The following SPMIP7 variants were observed in gnomAD, a reference collection of about 807,000 sequenced individuals.
SPMIP7 encodes the protein sperm microtubule inner protein 7, also known as protein SPMIP7.
chr7:50,140,881 C>G, the SPMIP7 span, among the ~76,000 whole-genome samples: 4 of 152,210 alleles, frequency 2.6e-5, no homozygotes, highest in African/African-American at 9.7e-5. Flanking sequence ...GTTGCCCAAG[C>G]TCCTCTGCAC....
chr7:50,120,739 T>G, the SPMIP7 span, among the ~76,000 whole-genome samples: 1 of 152,204 alleles, frequency 6.6e-6, no homozygotes, highest in Non-Finnish European at 1.5e-5. Context: ...ATCTCTGTGT[T>G]TCATTTAATC....
the SPMIP7 span, chr7:50,129,892 T>C: frequency 4.0e-6 from 3 of 752,102 alleles, no homozygotes; most frequent in South Asian, 1.7e-5. Context: ...ATCTTATGAG[T>C]GACACAGAGG....
chr7:50,096,620 A>G, the SPMIP7 span: 2 of 1,547,462 alleles, frequency 1.3e-6, no homozygotes, highest in East Asian at 4.9e-5. Flanking sequence ...AGACATTTCT[A>G]TCAGAGCAAG....
At chr7:50,151,878 A>G in the SPMIP7 span, among the ~76,000 whole-genome samples, 1 of 152,200 alleles carries the variant, frequency 6.6e-6, no homozygotes, top group African/African-American at 2.4e-5. Flanking sequence ...TGGCATCTTT[A>G]CTTCTTAGAC....
chr7:50,122,030 T>C, the SPMIP7 span, among the ~76,000 whole-genome samples: 1 of 152,210 alleles, frequency 6.6e-6, no homozygotes, highest in African/African-American at 2.4e-5. Context: ...AATATGAATA[T>C]ATTAAAATGA....
the SPMIP7 span, among the ~76,000 whole-genome samples, chr7:50,154,289 G>A: frequency 5.3e-5 from 8 of 152,142 alleles, no homozygotes; most frequent in East Asian, 5.8e-4. Flanking sequence ...TCCTGAATAC[G>A]ATGCACTATG....
chr7:50,133,476 C>T, the SPMIP7 span, among the ~76,000 whole-genome samples: 2 of 152,122 alleles, frequency 1.3e-5, no homozygotes, highest in Non-Finnish European at 2.9e-5. Context: ...ATGGTATCCT[C>T]TGAAGGTCAA....
the SPMIP7 span, among the ~76,000 whole-genome samples, chr7:50,151,941 G>T: frequency 1.3e-5 from 2 of 152,278 alleles, no homozygotes; most frequent in East Asian, 3.9e-4. Flanking sequence ...AAGACACATG[G>T]AACATACATC....
At chr7:50,136,054 T>C in the SPMIP7 span, 1 of 1,409,268 alleles carries the variant, frequency 7.1e-7, no homozygotes, top group East Asian at 2.5e-5. Flanking sequence ...CCAGAAATTA[T>C]AACGTGCTCA....
At chr7:50,147,962 G>A in the SPMIP7 span, among the ~76,000 whole-genome samples, 110 of 152,110 alleles carry the variant, frequency 7.2e-4, no homozygotes, top group Non-Finnish European at 2.6e-4. Flanking sequence ...TTGAACATGC[G>A]ACTAACCTGG....
chr7:50,125,285 C>T, the SPMIP7 span, among the ~76,000 whole-genome samples: 497 of 75,890 alleles, frequency 6.5e-3, 19 homozygotes, highest in Non-Finnish European at 8.4e-3. Flanking sequence ...CACATATATA[C>T]ACATATATAT....
chr7:50,129,251 A>T, the SPMIP7 span, among the ~76,000 whole-genome samples: 1 of 152,050 alleles, frequency 6.6e-6, no homozygotes. Flanking sequence ...AAATTGGTAA[A>T]ATATCATTGA....
At chr7:50,115,419 T>C in the SPMIP7 span, among the ~76,000 whole-genome samples, 1 of 152,086 alleles carries the variant, frequency 6.6e-6, no homozygotes, top group South Asian at 2.1e-4. Context: ...AAGGGGGATA[T>C]GGAACATATG....
the SPMIP7 span, among the ~76,000 whole-genome samples, chr7:50,143,251 G>A: frequency 6.8e-6 from 1 of 147,246 alleles, no homozygotes; most frequent in Non-Finnish European, 1.5e-5. Context: ...TGCAACCTCT[G>A]CCTCCCGGGT....
chr7:50,131,091 T>C, the SPMIP7 span, among the ~76,000 whole-genome samples: 5 of 152,122 alleles, frequency 3.3e-5, no homozygotes, highest in Non-Finnish European at 7.4e-5. Context: ...TCAAAGTAGA[T>C]TTTTACAGGG....
At chr7:50,149,157 A>T in the SPMIP7 span, among the ~76,000 whole-genome samples, 3 of 138,478 alleles carry the variant, frequency 2.2e-5, no homozygotes, top group African/African-American at 2.7e-5. Context: ...AAAAAAAAAA[A>T]TGTGGGAGTG....
At chr7:50,139,799 A>C in the SPMIP7 span, among the ~76,000 whole-genome samples, 1 of 152,250 alleles carries the variant, frequency 6.6e-6, no homozygotes, top group Non-Finnish European at 1.5e-5. Context: ...GATGCCCTTC[A>C]GCAGGTAAAT....
At chr7:50,134,094 T>A in the SPMIP7 span, 1 of 1,526,846 alleles carries the variant, frequency 6.5e-7, no homozygotes. Flanking sequence ...TGTTCCTATT[T>A]AATAACTTCA....
the SPMIP7 span, among the ~76,000 whole-genome samples, chr7:50,141,048 T>G: frequency 1.3e-5 from 2 of 152,228 alleles, no homozygotes; most frequent in Non-Finnish European, 1.5e-5. Context: ...TTACTGTCAC[T>G]CTGGCTCAAA....
Sources: allele counts gnomAD v4.1 joint callset (sites outside exome capture counted in the v4.1 genomes callset), GRCh38; gene constraint gnomAD v4.1.1; transcripts MANE v1.5; gene names NCBI Gene and HGNC (gene_info 2026-07-23, HGNC 2026-07-21).